Variants in ZNF343 observed in about 807,000 individuals in gnomAD.
ZNF343 encodes zinc finger protein 343.
Under a neutral mutation model 13.8 loss-of-function variants are expected in ZNF343, and 11 were observed. The ratio of observed to expected loss-of-function variants is 0.80; its 90% CI spans 0.50 to 1.32. The LOEUF is 1.32. Ranked by LOEUF, ZNF343 falls within the 40% of genes most tolerant of loss-of-function variation. ZNF343 has a pLI of 0.00. For synonymous variants in ZNF343, 248 were observed against 260.0 expected (o/e 0.95, Z 0.44); for missense variants, 658 against 714.2 (o/e 0.92, Z 0.90).
At chr20:2,520,551 G>A (rs915040301) in intron 1 of ZNF343, among the ~76,000 whole-genome samples, 3 of 152,052 alleles carry the variant, frequency 2.0e-5, no homozygotes, top group East Asian at 1.9e-4. Flanking sequence ...GCCTACAATC[G>A]CTTTTCAGAA....
At chr20:2,507,057 G>A (rs1045330256) in intron 1 of ZNF343, among the ~76,000 whole-genome samples, 3 of 152,018 alleles carry the variant, frequency 2.0e-5, no homozygotes, top group Non-Finnish European at 4.4e-5. Flanking sequence ...CTGAGGTCAG[G>A]AGTTCGAGAC....
chr20:2,487,728 G>T (rs146203085), intron 5 of ZNF343, among the ~76,000 whole-genome samples: 1 of 152,174 alleles, frequency 6.6e-6, no homozygotes, highest in Non-Finnish European at 1.5e-5. Context: ...ATATAGTTTC[G>T]TTACATGTTG....
chr20:2,488,923 T>C (rs2122575982), intron 5 of ZNF343, among the ~76,000 whole-genome samples: 1 of 152,228 alleles, frequency 6.6e-6, no homozygotes. Context: ...CATGCACCTG[T>C]AGTCCCAGCT....
chr20:2,504,935 G>T (rs1449767092), intron 1 of ZNF343, among the ~76,000 whole-genome samples: 1 of 152,154 alleles, frequency 6.6e-6, no homozygotes, highest in Non-Finnish European at 1.5e-5. Context: ...CAACATAATT[G>T]TTGGAAGTTC....
At position 2,493,540 on chromosome 20, in the gene ZNF343, C is replaced by CT; in HGVS notation, c.155dup (p.Glu53GlyfsTer95). 1.2e-6 allele frequency: 2 copies of CT among 1,613,826 alleles called. No individual in the cohort carries two copies. The highest frequency in any genetic ancestry group is 1.7e-6 in the Non-Finnish European group (2 of 1,179,924). ...TCACCACTATTTGGGCCTTTCCCTC[C>CT]TTTTTCTGGGGGCAGTCAGTATCAT... On this transcript the variant is annotated frameshift_variant, in exon 4 of 6. Transcript: ENST00000278772. LOFTEE classifies it high-confidence loss of function.
At chr20:2,506,668 TATC>T (rs1374368525) in intron 1 of ZNF343, among the ~76,000 whole-genome samples, 11 of 151,876 alleles carry the variant, frequency 7.2e-5, no homozygotes, top group Non-Finnish European at 1.5e-4. Flanking sequence ...AGCTGGAAAA[TATC>T]ATTCTCAGCA....
Position 2,484,482 on chromosome 20 carries a change from T to C in ZNF343, c.479A>G (p.His160Arg), listed in dbSNP as rs1326948383. The C allele has an allele frequency of 1.2e-6, 2 of 1,614,236 alleles. No homozygotes were observed. Among genetic ancestry groups the C allele is most frequent in the African/African-American group, 1.3e-5 (1 of 75,052 alleles). The part of the protein sequence containing the change: ...HWKQQGQQYS[H>R]VSCWFENAEG... ...TGCATTTTCAAACCAACAGCTTACATGGGAATACTGCTGCCCCTGCTGTTT... is the reference window on the plus strand; with the variant it reads ...TGCATTTTCAAACCAACAGCTTACACGGGAATACTGCTGCCCCTGCTGTTT... The change falls in exon 6 of 6, where the codon CAT becomes CGT. Residue 160 changes from histidine to arginine, a missense_variant. Coordinates refer to ENST00000278772, the MANE Select transcript of ZNF343 (RefSeq NM_024325.6).
intron 5 of ZNF343, chr20:2,486,808 G>A (rs544197840): frequency 6.6e-6 from 1 of 151,520 alleles, no homozygotes; most frequent in Admixed American, 6.6e-5. Context: ...TCAGAATTGT[G>A]GACCCACATC....
intron 1 of ZNF343, among the ~76,000 whole-genome samples, chr20:2,522,132 A>G (rs1161618182): frequency 1.3e-5 from 2 of 152,218 alleles, no homozygotes; most frequent in African/African-American, 4.8e-5. Context: ...AATTATCTCT[A>G]AGGAGCAATA....
chr20:2,501,005 G>T (rs1026593908), intron 1 of ZNF343, among the ~76,000 whole-genome samples: 20 of 152,174 alleles, frequency 1.3e-4, no homozygotes, highest in Admixed American at 1.0e-3. Context: ...CCGAAGCAGG[G>T]TGAGGCACTG....
At chr20:2,490,716 G>A (rs2085354595) in intron 5 of ZNF343, among the ~76,000 whole-genome samples, 1 of 151,896 alleles carries the variant, frequency 6.6e-6, no homozygotes, top group Non-Finnish European at 1.5e-5. Context: ...AACCAGGTCA[G>A]TTTTAACATT....
intron 5 of ZNF343, among the ~76,000 whole-genome samples, chr20:2,488,950 TG>T (rs1293612255): frequency 1.3e-5 from 2 of 152,090 alleles, no homozygotes; most frequent in African/African-American, 2.4e-5. Context: ...AAGGTTGAGG[TG>T]GGAGAATCAC....
At chr20:2,515,545 T>G (rs2085755664) in intron 1 of ZNF343, among the ~76,000 whole-genome samples, 1 of 152,226 alleles carries the variant, frequency 6.6e-6, no homozygotes, top group African/African-American at 2.4e-5. Flanking sequence ...GAACTACTAC[T>G]GCTAAATAGA....
intron 1 of ZNF343, among the ~76,000 whole-genome samples, chr20:2,515,351 G>T (rs1283162091): frequency 1.3e-5 from 2 of 151,902 alleles, no homozygotes; most frequent in Admixed American, 1.3e-4. Context: ...ATCCCATATT[G>T]TTCTTAATAA....
intron 1 of ZNF343, among the ~76,000 whole-genome samples, chr20:2,515,555 A>G (rs2085755676): frequency 6.6e-6 from 1 of 152,224 alleles, no homozygotes; most frequent in Non-Finnish European, 1.5e-5. Flanking sequence ...TGCTAAATAG[A>G]TAACTAGTGA....
intron 1 of ZNF343, among the ~76,000 whole-genome samples, chr20:2,506,986 G>A (rs908882211): frequency 2.6e-5 from 4 of 151,858 alleles, no homozygotes; most frequent in East Asian, 1.9e-4. Flanking sequence ...TGGGCCAGCC[G>A]GGAGCGGTGG....
chr20:2,497,813 C>T (rs2085484755), intron 2 of ZNF343, among the ~76,000 whole-genome samples: 1 of 152,130 alleles, frequency 6.6e-6, no homozygotes, highest in African/African-American at 2.4e-5. Context: ...AACTTGGTAT[C>T]CTGGCCTTTC....
At chr20:2,486,973 C>A (rs940737582) in intron 5 of ZNF343, among the ~76,000 whole-genome samples, 1 of 152,096 alleles carries the variant, frequency 6.6e-6, no homozygotes, top group African/African-American at 2.4e-5. Flanking sequence ...CTTAACTCTG[C>A]CATTGTATAA....
intron 1 of ZNF343, among the ~76,000 whole-genome samples, chr20:2,506,334 T>C (rs897232160): frequency 6.6e-6 from 1 of 152,118 alleles, no homozygotes; most frequent in Non-Finnish European, 1.5e-5. Flanking sequence ...GGAACACTTT[T>C]ACACTGTTGG....
Sources: allele counts gnomAD v4.1 joint callset (sites outside exome capture counted in the v4.1 genomes callset), GRCh38; gene constraint gnomAD v4.1.1; transcripts MANE v1.5; gene names NCBI Gene and HGNC (gene_info 2026-07-23, HGNC 2026-07-21).